The following SIPA1L1 variants were observed in gnomAD, a reference collection of about 807,000 sequenced individuals.
SIPA1L1 encodes signal induced proliferation associated 1 like 1.
Under a neutral mutation model 162.7 loss-of-function variants are expected in SIPA1L1, and 26 were observed. The ratio of observed to expected loss-of-function variants is 0.16; its 90% CI spans 0.12 to 0.22. The LOEUF is 0.22. SIPA1L1 is among the 10% of genes least tolerant of loss of function. SIPA1L1 has a pLI of 1.00. For missense variants in SIPA1L1, 1,874 were observed against 2,241.0 expected (o/e 0.84, Z 3.31); for synonymous variants, 829 against 837.4 (o/e 0.99, Z 0.17).
chr14:71,478,938 G>A lies in SIPA1L1; in HGVS notation c.-464-33805G>A, dbSNP rs537253691. Among the ~76,000 whole-genome samples the A allele has an allele frequency of 3.3e-5, 5 of 152,010 alleles. No individual in the cohort carries two copies. The South Asian group carries it at 1.0e-3, about 32-fold the overall frequency. On this transcript the variant is annotated intron_variant, in intron 2 of 23. Coordinates refer to ENST00000381232, the MANE Select transcript of SIPA1L1 (RefSeq NM_001386936.1). The stretch of plus-strand genomic sequence containing the variant: ...CACCACCTTGGAATTGCCTTGGATT[G>A]GGAAGCAAGAGAATTAAAAAGAAAA...
chr14:71,724,536 C>A (rs927063884), intron 18 of SIPA1L1, 134 bp from the exon 19 acceptor site: 1 of 639,730 alleles, frequency 1.6e-6, no homozygotes, highest in Non-Finnish European at 2.6e-6. Context: ...CGCATATAAA[C>A]AGAAGTAATT....
chr14:71,447,232 A>G lies in SIPA1L1; in HGVS notation c.-464-65511A>G, dbSNP rs368227606. Among the ~76,000 whole-genome samples, 53 of 152,044 alleles carry G rather than the reference A, an allele frequency of 3.5e-4. 1 individual carries two copies. The South Asian group carries it at 8.3e-3, about 24-fold the overall frequency. On this transcript the variant is annotated intron_variant, in intron 2 of 23. Transcript: ENST00000381232. ...CTTATCCTCTGTTAGCTTTTATGTT[A>G]GTATTGTAGTGAAAGGAAAATTTGT...
intron 2 of SIPA1L1, among the ~76,000 whole-genome samples, chr14:71,394,561 C>T (rs34528131): frequency 0.16 from 24,810 of 152,198 alleles, 2,643 homozygotes; most frequent in Middle Eastern, 0.35. Context: ...TCCAGCCTCT[C>T]CTGCTATAGA....
chr14:71,363,152 G>A (rs145417548), intron 2 of SIPA1L1, among the ~76,000 whole-genome samples: 2,673 of 152,262 alleles, frequency 0.018, 47 homozygotes, highest in Non-Finnish European at 0.025. Context: ...TGATCAAGCT[G>A]TCATCAGTCA....
intron 4 of SIPA1L1, among the ~76,000 whole-genome samples, chr14:71,534,859 C>A (rs1013196316): frequency 6.5e-4 from 99 of 152,316 alleles, no homozygotes; most frequent in African/African-American, 2.2e-3. Context: ...CAAGATCCTG[C>A]ATTCATTGTT....
In SIPA1L1 at chr14:71,588,769, G is replaced by A. The variant is rs757073063; in HGVS notation, c.897G>A (p.Leu299=). Residue 299 remains leucine (L), a synonymous_variant, in exon 5 of 24, where the codon TTG becomes TTA. Transcript: ENST00000381232. This position sits in a 1 kb window ranked among gnomAD's most constrained non-coding sequence, Gnocchi z 4.3. ...GAGACTCATCTATTTTTCGTAAATTGCGCAATGCCAAAGGTGAAGAACTTG... is the reference window on the plus strand; with the variant it reads ...GAGACTCATCTATTTTTCGTAAATTACGCAATGCCAAAGGTGAAGAACTTG... ...ETGDSSIFRK[L]RNAKGEELGK... is the part of the protein sequence containing the mutation. The A allele has an allele frequency of 1.2e-6, 2 of 1,614,006 alleles. No individual in the cohort carries two copies. The highest frequency in any genetic ancestry group is 1.1e-5 in the South Asian group (1 of 91,078).
Position 71,494,280 on chromosome 14 carries a change from C to T in SIPA1L1, c.-464-18463C>T, listed in dbSNP as rs574829424. Among the ~76,000 whole-genome samples the T allele has an allele frequency of 2.4e-4, 36 of 152,074 alleles. No homozygotes were observed. The East Asian group carries it at 6.2e-3, about 26-fold the overall frequency. On this transcript the variant is annotated intron_variant, in intron 2 of 23. Coordinates refer to ENST00000381232, the MANE Select transcript of SIPA1L1 (RefSeq NM_001386936.1). ...CAGGCTGAGGAAGTTCCCTTATGTT[C>T]CTGGTTTACTAAGGCTTTTTTTCTT...
intron 2 of SIPA1L1, among the ~76,000 whole-genome samples, chr14:71,465,114 G>A (rs1331058143): frequency 2.0e-5 from 3 of 152,206 alleles, no homozygotes; most frequent in Admixed American, 1.3e-4. Flanking sequence ...TGGCAAAAAA[G>A]CTTCCTCAGA....
intron 2 of SIPA1L1, among the ~76,000 whole-genome samples, chr14:71,510,746 A>G (rs2051078683): frequency 6.6e-6 from 1 of 152,196 alleles, no homozygotes; most frequent in African/African-American, 2.4e-5. Context: ...AGTATGTGCC[A>G]GTTAATGTTG....
At chr14:71,555,918 A>G (rs2056312317) in intron 4 of SIPA1L1, among the ~76,000 whole-genome samples, 3 of 152,222 alleles carry the variant, frequency 2.0e-5, no homozygotes, top group Admixed American at 2.0e-4. Flanking sequence ...GCATTCCCCA[A>G]AAGATTAGTA....
chr14:71,618,685 A>G, intron 5 of SIPA1L1, 72 bp from the exon 6 acceptor site: 2 of 1,391,044 alleles, frequency 1.4e-6, no homozygotes, highest in East Asian at 2.3e-5. Context: ...AACCTTAAAT[A>G]CTGAGCAGAA....
At chr14:71,524,492 A>G (rs2052667693) in intron 3 of SIPA1L1, among the ~76,000 whole-genome samples, 1 of 152,218 alleles carries the variant, frequency 6.6e-6, no homozygotes, top group Admixed American at 6.5e-5. Context: ...GAGACATGCC[A>G]CTTCATTCTC....
chr14:71,353,495 C>G lies in SIPA1L1; in HGVS notation c.-465+32314C>G, dbSNP rs1372210861. Among the ~76,000 whole-genome samples, 3 of 152,182 alleles carry G rather than the reference C, an allele frequency of 2.0e-5. No individual in the cohort carries two copies. In the East Asian group the frequency reaches 5.8e-4, roughly 29 times the overall value. ...TGGGGCTTGCTGAAGAATTTCCTCT[C>G]ACTGAGATGGGACTCCTGAAGGGTT... On this transcript the variant is annotated intron_variant, in intron 2 of 23. Coordinates refer to ENST00000381232, the MANE Select transcript of SIPA1L1 (RefSeq NM_001386936.1).
chr14:71,665,619 A>C (rs918779765), intron 10 of SIPA1L1, among the ~76,000 whole-genome samples: 1 of 152,224 alleles, frequency 6.6e-6, no homozygotes, highest in Non-Finnish European at 1.5e-5. Context: ...AGAGATGCTG[A>C]AAAACTATTC....
intron 12 of SIPA1L1, among the ~76,000 whole-genome samples, chr14:71,674,595 C>T (rs1386003240): frequency 2.1e-5 from 3 of 142,778 alleles, no homozygotes; most frequent in South Asian, 2.2e-4. Flanking sequence ...GACGGAGTCT[C>T]GCTCTGTCGC....
chr14:71,584,243 G>T (rs1420616836), intron 4 of SIPA1L1, among the ~76,000 whole-genome samples: 1 of 152,128 alleles, frequency 6.6e-6, no homozygotes, highest in East Asian at 1.9e-4. Flanking sequence ...TGGAGGATGG[G>T]TTCAGGAGTA....
chr14:71,391,884 A>G (rs533079760), intron 2 of SIPA1L1, among the ~76,000 whole-genome samples: 26 of 152,204 alleles, frequency 1.7e-4, no homozygotes, highest in Non-Finnish European at 2.9e-4. Context: ...GTAGTAGTAG[A>G]TCAAGGTGTA....
intron 4 of SIPA1L1, among the ~76,000 whole-genome samples, chr14:71,578,320 A>G (rs971910705): frequency 2.6e-5 from 4 of 151,972 alleles, no homozygotes; most frequent in Middle Eastern, 3.4e-3. Context: ...CTCCCTCCTC[A>G]GCCTCCCAAA....
At chr14:71,398,535 C>G (rs963951719) in intron 2 of SIPA1L1, 3 of 152,206 alleles carry the variant, frequency 2.0e-5, no homozygotes, top group Admixed American at 6.5e-5. Context: ...TAGATAGTTA[C>G]ACATGAGCAG....
Sources: allele counts gnomAD v4.1 joint callset (sites outside exome capture counted in the v4.1 genomes callset), GRCh38; gene constraint gnomAD v4.1.1; non-coding constraint Gnocchi (gnomAD v3.1); transcripts MANE v1.5; gene names NCBI Gene and HGNC (gene_info 2026-07-23, HGNC 2026-07-21).